Variants in NADK observed in about 807,000 individuals in gnomAD.
NADK encodes poly(P)/ATP NAD kinase.
NADK carries 22 observed loss-of-function variants against 49.8 expected under a neutral mutation model. That is an observed-to-expected ratio of 0.44 (90% CI 0.32 to 0.63). The LOEUF (loss-of-function observed/expected upper bound fraction) is 0.63. NADK is among the 30% of genes least tolerant of loss of function. The probability of loss-of-function intolerance (pLI) is 0.06; values close to 1 mark genes in which losing one functional copy is unlikely to be tolerated. For missense variants in NADK, 438 were observed against 609.4 expected, an observed-to-expected ratio of 0.72 and a Z score of 2.96; for synonymous variants, 268 against 253.7, an observed-to-expected ratio of 1.06 and a Z score of -0.54.
In NADK at chr1:1,756,401, G is replaced by A. The variant is rs372757524; in HGVS notation, c.500-58C>T. 8.3e-5 allele frequency: 133 copies of A among 1,604,020 alleles called. 1 individual carries two copies. Among genetic ancestry groups the A allele is most frequent in the African/African-American group, 3.7e-4 (28 of 74,812 alleles). On this transcript the variant is annotated intron_variant, in intron 5 of 11. Coordinates refer to ENST00000341426, the MANE Select transcript of NADK (RefSeq NM_023018.5). The stretch of plus-strand genomic sequence containing the variant: ...TGTCACACAGTGGCCCCTCTGTGGC[G>A]CAGTGCGCAGACACCAATGACAAGG...
rs1645529082 is a variant in NADK at position 1,756,561 on chromosome 1, G to A, written c.441C>T (p.Ala147=). The stretch of plus-strand genomic sequence containing the variant: ...CCCCAAAGCTTTCATCGCTGGCGAT[G>A]GCAGGGTCTTCTAGCACTTTCTTTT... ...YVEKKVLEDP[A]IASDESFGAV... Residue 147 remains alanine, a synonymous_variant, in exon 5 of 12, where the codon GCC becomes GCT. Coordinates refer to ENST00000341426, the MANE Select transcript of NADK (RefSeq NM_023018.5). 1 of 1,614,082 alleles carries A rather than the reference G, an allele frequency of 6.2e-7. No homozygotes were observed. Among genetic ancestry groups the A allele is most frequent in the Non-Finnish European group, 8.5e-7 (1 of 1,180,036 alleles).
intron 1 of NADK, among the ~76,000 whole-genome samples, chr1:1,770,105 G>A (rs552162957): frequency 2.1e-3 from 321 of 152,098 alleles, no homozygotes; most frequent in Non-Finnish European, 3.7e-3. Flanking sequence ...AACCTATGAG[G>A]TGGAGGGTGC....
At chr1:1,757,646 T>C (rs1452633499) in intron 3 of NADK, among the ~76,000 whole-genome samples, 3 of 152,168 alleles carry the variant, frequency 2.0e-5, no homozygotes, top group Non-Finnish European at 4.4e-5. Flanking sequence ...TCAGTGACGC[T>C]GGTGGGGCAG....
chr1:1,766,693 T>C (rs1480132441), intron 1 of NADK, among the ~76,000 whole-genome samples: 4 of 150,586 alleles, frequency 2.7e-5, no homozygotes, highest in African/African-American at 7.3e-5. Context: ...TCTTTTTCTT[T>C]TTTTTTTTTT....
chr1:1,753,189 C>G, intron 11 of NADK, 129 bp from the exon 12 acceptor site: 1 of 1,197,110 alleles, frequency 8.4e-7, no homozygotes, highest in South Asian at 1.5e-5. Context: ...AGCCCCTCCC[C>G]GAGGCAGGCT....
At chr1:1,753,768 A>C in intron 10 of NADK, 119 bp from the exon 11 acceptor site, 1 of 958,322 alleles carries the variant, frequency 1.0e-6, no homozygotes, top group Non-Finnish European at 1.6e-6. Flanking sequence ...TGCCTTGCGG[A>C]CGGTGCAGTG....
rs1049119891 is a variant in NADK, at chr1:1,778,057, C to A, written c.-41+232G>T. 2.0e-5 allele frequency among the ~76,000 whole-genome samples: 3 copies of A among 152,202 alleles called. No individual in the cohort carries two copies. Among genetic ancestry groups the A allele is most frequent in the African/African-American group, 7.2e-5 (3 of 41,450 alleles). Reference sequence around the variant, plus strand: ...CCTTCCCCGCCCGGGAGAGCCAGGCCGGACAGCGGCCTCCCTCAGACCCGT... The same window carrying A: ...CCTTCCCCGCCCGGGAGAGCCAGGCAGGACAGCGGCCTCCCTCAGACCCGT... On this transcript the variant is annotated intron_variant, in intron 1 of 11. Coordinates refer to ENST00000341426, the MANE Select transcript of NADK (RefSeq NM_023018.5). The surrounding 1 kb of genome is among the most constrained non-coding windows in gnomAD (Gnocchi z 4.9).
chr1:1,770,786 C>T (rs747865744), intron 1 of NADK, among the ~76,000 whole-genome samples: 5 of 152,114 alleles, frequency 3.3e-5, no homozygotes, highest in Non-Finnish European at 4.4e-5. Flanking sequence ...TGGTGGCTCA[C>T]GCCTGTAATC....
At chr1:1,768,457 C>T (rs1024114977) in intron 1 of NADK, among the ~76,000 whole-genome samples, 4 of 152,018 alleles carry the variant, frequency 2.6e-5, no homozygotes, top group East Asian at 1.9e-4. Flanking sequence ...TTGGAGGCTC[C>T]GGCAAGAGGA....
intron 3 of NADK, among the ~76,000 whole-genome samples, chr1:1,760,111 G>A (rs1645670521): frequency 6.6e-6 from 1 of 152,214 alleles, no homozygotes; most frequent in Non-Finnish European, 1.5e-5. Flanking sequence ...ACAGCGGAGG[G>A]CAGCCGGGCA....
intron 3 of NADK, among the ~76,000 whole-genome samples, chr1:1,761,453 A>T (rs1361242094): frequency 5.3e-5 from 8 of 152,234 alleles, no homozygotes; most frequent in Non-Finnish European, 1.2e-4. Context: ...CACATAAAAC[A>T]CAGATATCAG....
chr1:1,770,311 A>G (rs1303184819), intron 1 of NADK, among the ~76,000 whole-genome samples: 1 of 152,238 alleles, frequency 6.6e-6, no homozygotes, highest in East Asian at 1.9e-4. Context: ...TAACATAAGA[A>G]AAAAATAAAA....
chr1:1,767,255 G>A (rs1645916709), intron 1 of NADK, among the ~76,000 whole-genome samples: 1 of 152,142 alleles, frequency 6.6e-6, no homozygotes, highest in Non-Finnish European at 1.5e-5. Context: ...ATAAAACCAG[G>A]AAGAGATAGA....
At chr1:1,756,859 G>C in intron 4 of NADK, 1 of 817,248 alleles carries the variant, frequency 1.2e-6, no homozygotes, top group South Asian at 1.3e-5. Context: ...TTTCCTGGGC[G>C]CCGCAACCCC....
At chr1:1,756,017 G>A (rs1449567135) in intron 6 of NADK, 5 of 585,510 alleles carry the variant, frequency 8.5e-6, no homozygotes, top group East Asian at 5.7e-5. Context: ...ACCACCCTGC[G>A]CCACTCCCTG....
intron 3 of NADK, chr1:1,758,549 T>G: frequency 6.3e-7 from 1 of 1,579,040 alleles, no homozygotes; most frequent in Non-Finnish European, 8.6e-7. Flanking sequence ...GTCCTGACTG[T>G]GCGCCCACAC....
intron 6 of NADK, chr1:1,755,959 G>A: frequency 7.5e-6 from 4 of 529,940 alleles, no homozygotes; most frequent in Non-Finnish European, 1.4e-5. Context: ...GAGCTCAAGG[G>A]AGGCCCAGAG....
At chr1:1,762,286 C>T (rs1553185438) in intron 2 of NADK, among the ~76,000 whole-genome samples, 12 of 152,326 alleles carry the variant, frequency 7.9e-5, no homozygotes, top group South Asian at 2.1e-4. Context: ...GGGAGAGCTT[C>T]AGCCCAAACA....
Position 1,765,367 on chromosome 1 carries a change from A to G in NADK, c.40T>C (p.Leu14=). ...EQEKMTMNKE[L]SPDAAAYCCS... The stretch of plus-strand genomic sequence containing the variant: ...CAGTAAGCAGCCGCGTCTGGACTCA[A>G]TTCCTTATTCATGGTCATTTTTTCT... The change falls in exon 2 of 12, where the codon TTG becomes CTG. Residue 14 remains leucine (L), a synonymous_variant. Coordinates refer to ENST00000341426, the MANE Select transcript of NADK (RefSeq NM_023018.5). 1.2e-6 allele frequency: 2 copies of G among 1,609,448 alleles called. No homozygotes were observed. The highest frequency in any genetic ancestry group is 2.2e-5 in the East Asian group (1 of 44,558).
Sources: allele counts gnomAD v4.1 joint callset (sites outside exome capture counted in the v4.1 genomes callset), GRCh38; gene constraint gnomAD v4.1.1; non-coding constraint Gnocchi (gnomAD v3.1); transcripts MANE v1.5; gene names NCBI Gene and HGNC (gene_info 2026-07-23, HGNC 2026-07-21).